FGF14: variants seen among roughly 807,000 people sequenced by gnomAD.
FGF14 encodes fibroblast growth factor 14, also known as fibroblast growth factor homologous factor 4.
Under a neutral mutation model 25.5 loss-of-function variants are expected in FGF14, and 5 were observed. That is an observed-to-expected ratio of 0.20 (90% CI 0.10 to 0.41). The LOEUF is 0.41. FGF14 is among the 10% of genes least tolerant of loss of function. The pLI, the probability that FGF14 is intolerant of heterozygous loss-of-function variation, is 1.00. For missense variants in FGF14, 222 were observed against 320.1 expected (o/e 0.69, Z 2.34); for synonymous variants, 138 against 118.3 (o/e 1.17, Z -1.08).
At chr13:101,937,464 G>T (rs2035178954) in intron 1 of FGF14, among the ~76,000 whole-genome samples, 1 of 152,224 alleles carries the variant, frequency 6.6e-6, no homozygotes, top group Non-Finnish European at 1.5e-5. Flanking sequence ...TGAAACATGT[G>T]AAGATGCAGT....
chr13:102,234,010 C>T (rs1285574045), intron 1 of FGF14, among the ~76,000 whole-genome samples: 2 of 152,122 alleles, frequency 1.3e-5, no homozygotes, highest in Admixed American at 6.5e-5. Context: ...AAATCAGAGA[C>T]AGAAAGTAGA....
intron 3 of FGF14, among the ~76,000 whole-genome samples, chr13:101,791,611 G>A (rs2040237561): frequency 6.6e-6 from 1 of 152,008 alleles, no homozygotes; most frequent in African/African-American, 2.4e-5. Context: ...AGTCAATCAT[G>A]GCCTTCTGCA....
chr13:102,158,412 T>G (rs1464328305), intron 1 of FGF14, among the ~76,000 whole-genome samples: 3 of 149,952 alleles, frequency 2.0e-5, no homozygotes, highest in Non-Finnish European at 2.9e-5. Context: ...CAGCAAACTA[T>G]CACAAGGACA....
intron 1 of FGF14, among the ~76,000 whole-genome samples, chr13:102,246,575 C>A (rs1049644309): frequency 1.3e-5 from 2 of 152,038 alleles, no homozygotes; most frequent in Admixed American, 6.6e-5. Flanking sequence ...AATTTTATAT[C>A]CAGGTTTGTT....
chr13:102,074,034 A>C (rs1175125598), intron 1 of FGF14, among the ~76,000 whole-genome samples: 1 of 152,114 alleles, frequency 6.6e-6, no homozygotes, highest in East Asian at 1.9e-4. Context: ...TTGAGACAGG[A>C]TCTTGCTGTG....
intron 3 of FGF14, among the ~76,000 whole-genome samples, chr13:101,739,934 T>C (rs957658788): frequency 1.3e-5 from 2 of 152,166 alleles, no homozygotes; most frequent in East Asian, 1.9e-4. Flanking sequence ...CTAAACTCAG[T>C]AGTTAAAAAT....
At chr13:101,788,907 TATAGAG>T (rs1455336000) in intron 3 of FGF14, among the ~76,000 whole-genome samples, 122 of 32,340 alleles carry the variant, frequency 3.8e-3, no homozygotes, top group East Asian at 7.2e-3. Context: ...TATATATATA[TATAGAG>T]AGAGAGAGAG....
intron 3 of FGF14, among the ~76,000 whole-genome samples, chr13:101,743,756 T>A (rs2036708392): frequency 6.6e-6 from 1 of 152,168 alleles, no homozygotes; most frequent in African/African-American, 2.4e-5. Flanking sequence ...TCTGTAGATA[T>A]TTTTACCATA....
chr13:102,163,723 C>G (rs925244221), intron 1 of FGF14, among the ~76,000 whole-genome samples: 3 of 151,820 alleles, frequency 2.0e-5, no homozygotes, highest in Non-Finnish European at 4.4e-5. Flanking sequence ...ACCAAGGGAG[C>G]CTGGATTGGG....
chr13:101,805,865 G>C (rs927076429), intron 3 of FGF14, among the ~76,000 whole-genome samples: 1 of 151,762 alleles, frequency 6.6e-6, no homozygotes, highest in Non-Finnish European at 1.5e-5. Context: ...AGCCCAAATG[G>C]AGTTCTAAAA....
At chr13:101,840,637 C>A (rs1048307885) in intron 3 of FGF14, among the ~76,000 whole-genome samples, 78 of 152,068 alleles carry the variant, frequency 5.1e-4, no homozygotes, top group African/African-American at 1.9e-3. Flanking sequence ...TTGCTACCTA[C>A]ATTTAAATCA....
chr13:102,024,840 C>T (rs1348515729), intron 1 of FGF14, among the ~76,000 whole-genome samples: 3 of 151,738 alleles, frequency 2.0e-5, no homozygotes, highest in African/African-American at 7.3e-5. Context: ...TGTTAAAATA[C>T]TACCATTTCC....
At chr13:102,258,742 G>A (rs2052571944) in intron 1 of FGF14, among the ~76,000 whole-genome samples, 1 of 152,170 alleles carries the variant, frequency 6.6e-6, no homozygotes, top group African/African-American at 2.4e-5. Context: ...AGCTTTGTGA[G>A]AGATGTGCTC....
intron 1 of FGF14, among the ~76,000 whole-genome samples, chr13:101,959,601 C>T (rs1298246769): frequency 6.6e-6 from 1 of 152,184 alleles, no homozygotes; most frequent in Non-Finnish European, 1.5e-5. Context: ...TTTCTTTCCT[C>T]TGACTCCCAG....
chr13:102,167,639 T>C (rs2048072235), intron 1 of FGF14, among the ~76,000 whole-genome samples: 1 of 152,156 alleles, frequency 6.6e-6, no homozygotes, highest in African/African-American at 2.4e-5. Flanking sequence ...ACCTGAATAG[T>C]TGGCAAATAG....
At chr13:101,960,878 C>A (rs995743888) in intron 1 of FGF14, among the ~76,000 whole-genome samples, 5 of 152,122 alleles carry the variant, frequency 3.3e-5, no homozygotes, top group African/African-American at 1.2e-4. Flanking sequence ...TTTTAATAAT[C>A]GTCATTCTGA....
rs569104771 is a variant in FGF14, at chr13:102,020,270, C to T, written c.209-144974G>A. ...GGAGGTAAGAGAGTGAGAGAATAGG[C>T]GGGTATGGTGGCTCATGCCTGTAAT... is the stretch of plus-strand genomic sequence containing the variant. On this transcript the variant is annotated intron_variant, in intron 1 of 4. Transcript: ENST00000376131. 3.5e-4 allele frequency among the ~76,000 whole-genome samples: 53 copies of T among 152,008 alleles called. No individual in the cohort carries two copies. The South Asian group carries it at 9.6e-3, about 27-fold the overall frequency.
chr13:102,154,788 C>T (rs892792930), intron 1 of FGF14, among the ~76,000 whole-genome samples: 5 of 151,650 alleles, frequency 3.3e-5, no homozygotes, highest in South Asian at 2.1e-4. Context: ...CATGCAGACA[C>T]GCATAGGCTC....
intron 1 of FGF14, among the ~76,000 whole-genome samples, chr13:102,276,704 T>C (rs894691564): frequency 3.9e-5 from 6 of 152,138 alleles, no homozygotes; most frequent in Non-Finnish European, 2.9e-5. Flanking sequence ...TGAGCCCTAA[T>C]GTTTTCAGAG....
Sources: gnomAD v4.1 joint callset for allele counts (sites outside exome capture counted in the v4.1 genomes callset) on GRCh38, gnomAD v4.1.1 for gene constraint, MANE v1.5 for transcripts, NCBI Gene and HGNC (gene_info 2026-07-23, HGNC 2026-07-21) for gene names.